The following UBL3 variants were observed in gnomAD, a reference collection of about 807,000 sequenced individuals.
UBL3 encodes the protein ubiquitin like 3.
UBL3 carries 6 observed loss-of-function variants against 18.4 expected under a neutral mutation model. The observed-to-expected ratio is 0.33, with a 90% CI of 0.18 to 0.64. The LOEUF (loss-of-function observed/expected upper bound fraction) is 0.64. Among genes scored for constraint, UBL3 ranks in the 30% least tolerant of loss-of-function variants. UBL3 has a pLI of 0.76. For synonymous variants in UBL3, 49 were observed against 46.6 expected (o/e 1.05, Z -0.21); for missense variants, 109 against 142.9 (o/e 0.76, Z 1.21).
intron 1 of UBL3, among the ~76,000 whole-genome samples, chr13:29,825,106 G>T (rs999428335): frequency 3.9e-5 from 6 of 152,186 alleles, no homozygotes; most frequent in African/African-American, 1.4e-4. Flanking sequence ...TTTGGTTACT[G>T]TAGCCTTGTA....
chr13:29,848,858 T>C lies in UBL3; in HGVS notation c.27+654A>G, dbSNP rs74044766. On this transcript the variant is annotated intron_variant, in intron 1 of 4. Coordinates refer to ENST00000380680, the MANE Select transcript of UBL3 (RefSeq NM_007106.4). ...TCAATACTATGTTTCCTTAGCTTTA[T>C]GTCTAATATGGAATCTACTATTAAT... Among the ~76,000 whole-genome samples the C allele has an allele frequency of 2.3e-3, 349 of 152,380 alleles. 3 individuals are homozygous for C. The highest frequency in any genetic ancestry group is 8.3e-3 in the African/African-American group (344 of 41,584).
chr13:29,821,401 C>T (rs1024205907), intron 1 of UBL3, among the ~76,000 whole-genome samples: 6 of 152,134 alleles, frequency 3.9e-5, no homozygotes, highest in African/African-American at 1.4e-4. Flanking sequence ...TACAGCTGTA[C>T]TGCGTCATGT....
chr13:29,790,754 G>T (rs1036588805), intron 1 of UBL3, among the ~76,000 whole-genome samples: 7 of 144,590 alleles, frequency 4.8e-5, no homozygotes, highest in African/African-American at 1.8e-4. Flanking sequence ...CCACCCCACA[G>T]AACTAGTGTT....
chr13:29,801,032 A>T (rs984074869), intron 1 of UBL3, among the ~76,000 whole-genome samples: 3 of 152,046 alleles, frequency 2.0e-5, no homozygotes, highest in Admixed American at 6.6e-5. Context: ...CCCTGCCCCT[A>T]CCCGAACACC....
chr13:29,839,649 C>G (rs1016793135), intron 1 of UBL3, among the ~76,000 whole-genome samples: 1 of 151,980 alleles, frequency 6.6e-6, no homozygotes, highest in South Asian at 2.1e-4. Context: ...AAAAATAGGC[C>G]GGGCGCAGTG....
At chr13:29,775,970 A>G (rs1272375963) in intron 2 of UBL3, among the ~76,000 whole-genome samples, 1 of 152,014 alleles carries the variant, frequency 6.6e-6, no homozygotes, top group Non-Finnish European at 1.5e-5. Flanking sequence ...TACCAAACAC[A>G]TTTTCCAAGA....
chr13:29,792,698 T>G (rs147423693), intron 1 of UBL3, among the ~76,000 whole-genome samples: 161 of 152,360 alleles, frequency 1.1e-3, no homozygotes, highest in African/African-American at 3.8e-3. Flanking sequence ...GGAATACTCA[T>G]GAATTCTTAC....
intron 1 of UBL3, among the ~76,000 whole-genome samples, chr13:29,831,706 T>C (rs949666573): frequency 2.1e-5 from 3 of 142,528 alleles, no homozygotes; most frequent in Non-Finnish European, 3.1e-5. Context: ...TACTTAATGA[T>C]AGAAAAAAAA....
chr13:29,793,031 G>C (rs892164858), intron 1 of UBL3, among the ~76,000 whole-genome samples: 5 of 152,080 alleles, frequency 3.3e-5, no homozygotes, highest in Non-Finnish European at 7.4e-5. Context: ...CATTGTTAGA[G>C]AATATAAATC....
chr13:29,848,510 T>C (rs1272395087), intron 1 of UBL3, among the ~76,000 whole-genome samples: 2 of 152,000 alleles, frequency 1.3e-5, no homozygotes, highest in African/African-American at 4.8e-5. Context: ...TAAAATAAAA[T>C]TTAATCATCA....
intron 1 of UBL3, among the ~76,000 whole-genome samples, chr13:29,835,190 A>C (rs1593675469): frequency 3.0e-5 from 3 of 99,700 alleles, no homozygotes; most frequent in Non-Finnish European, 5.9e-5. Flanking sequence ...ATATATCTCC[A>C]CCCTCCTGGA....
chr13:29,833,498 C>T (rs889424378), intron 1 of UBL3, among the ~76,000 whole-genome samples: 5 of 152,128 alleles, frequency 3.3e-5, no homozygotes, highest in Admixed American at 3.3e-4. Context: ...TGGCAGAAGA[C>T]ACACTGTGAG....
At position 29,808,738 on chromosome 13, in the gene UBL3, T is replaced by C. The variant is rs1282287313; in HGVS notation, c.28-31475A>G. ...ATATCCTAACTACTCAGAACACTAT[T>C]GTAAAGCTCAAATGAGACAATATGT... On this transcript the variant is annotated intron_variant, in intron 1 of 4. Coordinates refer to ENST00000380680, the MANE Select transcript of UBL3 (RefSeq NM_007106.4). Among the ~76,000 whole-genome samples, 3 of 152,252 alleles carry C rather than the reference T, an allele frequency of 2.0e-5. No homozygotes were observed. The East Asian group carries it at 5.8e-4, about 29-fold the overall frequency.
chr13:29,835,160 A>C (rs1312914131), intron 1 of UBL3, among the ~76,000 whole-genome samples: 6 of 53,378 alleles, frequency 1.1e-4, no homozygotes, highest in Non-Finnish European at 1.7e-4. Context: ...ATATATATAT[A>C]TATATATATA....
Position 29,766,406 on chromosome 13 carries a change from T to C in UBL3, c.*849A>G, listed in dbSNP as rs1322762108. 2 of 152,584 alleles carry C rather than the reference T, an allele frequency of 1.3e-5. No individual in the cohort carries two copies. The highest frequency in any genetic ancestry group is 1.9e-4 in the East Asian group (1 of 5,200). The allele number at this position is 152,584 out of a possible 1,614,324, so 9.5% of individuals were successfully genotyped here. A position where few individuals can be genotyped will look rare whatever the true frequency, so the allele number is the denominator to read the frequency against. ...TATGGAAAATTTCAATTTGCTGATA[T>C]TCAAATACATAAAATTGATCAATGA... is the stretch of plus-strand genomic sequence containing the variant. On this transcript the variant is annotated 3_prime_UTR_variant, in exon 5 of 5. Transcript: ENST00000380680.
intron 1 of UBL3, among the ~76,000 whole-genome samples, chr13:29,845,433 T>A (rs1442380304): frequency 1.3e-5 from 2 of 151,874 alleles, no homozygotes; most frequent in Non-Finnish European, 2.9e-5. Context: ...GAAAGAAAAA[T>A]AAAAAGGAGC....
chr13:29,824,936 C>T (rs1280560199), intron 1 of UBL3, among the ~76,000 whole-genome samples: 1 of 152,140 alleles, frequency 6.6e-6, no homozygotes, highest in Non-Finnish European at 1.5e-5. Flanking sequence ...GCTAGCCAGT[C>T]TTCCCAGCAC....
intron 1 of UBL3, among the ~76,000 whole-genome samples, chr13:29,802,143 T>A (rs1272151412): frequency 6.6e-6 from 1 of 152,240 alleles, no homozygotes; most frequent in Non-Finnish European, 1.5e-5. Context: ...CTAGCCATTA[T>A]GCTTAAGCAC....
At chr13:29,788,483 C>T (rs1446211918) in intron 1 of UBL3, among the ~76,000 whole-genome samples, 2 of 152,184 alleles carry the variant, frequency 1.3e-5, no homozygotes, top group Non-Finnish European at 2.9e-5. Flanking sequence ...GGGTTTTCTT[C>T]TTCCTAGGTC....
Sources: allele counts gnomAD v4.1 joint callset (sites outside exome capture counted in the v4.1 genomes callset), GRCh38; gene constraint gnomAD v4.1.1; transcripts MANE v1.5; gene names NCBI Gene and HGNC (gene_info 2026-07-23, HGNC 2026-07-21).